STIM2: variants seen among roughly 807,000 people sequenced by gnomAD.
STIM2 encodes stromal interaction molecule 2.
STIM2 carries 31 observed loss-of-function variants against 85.8 expected under a neutral mutation model. The ratio of observed to expected loss-of-function variants is 0.36; its 90% CI spans 0.27 to 0.49. The LOEUF (loss-of-function observed/expected upper bound fraction) is 0.49, where lower values mean the gene tolerates loss of function less well. Ranked by LOEUF, STIM2 falls within the 20% of genes least tolerant of loss-of-function variation. The pLI is 0.98. For missense variants in STIM2, 841 were observed against 927.6 expected (o/e 0.91, Z 1.21); for synonymous variants, 356 against 331.1 (o/e 1.08, Z -0.82).
intron 1 of STIM2, among the ~76,000 whole-genome samples, chr4:26,878,319 A>G (rs768811376): frequency 1.8e-4 from 27 of 151,890 alleles, no homozygotes; most frequent in Non-Finnish European, 3.1e-4. Flanking sequence ...ATGGCAGCCA[A>G]ATTTTGCCTT....
chr4:26,971,708 G>T (rs954044919), intron 3 of STIM2, among the ~76,000 whole-genome samples: 4 of 152,240 alleles, frequency 2.6e-5, no homozygotes, highest in South Asian at 2.1e-4. Flanking sequence ...TTTTGCTTAG[G>T]ATTGTCTTGG....
At chr4:26,894,360 T>G (rs980619734) in intron 1 of STIM2, among the ~76,000 whole-genome samples, 5 of 152,206 alleles carry the variant, frequency 3.3e-5, no homozygotes, top group African/African-American at 1.2e-4. Flanking sequence ...AGTTAAAGCT[T>G]TTTGTGTCTT....
At chr4:27,002,574 G>A (rs1728195359) in intron 6 of STIM2, among the ~76,000 whole-genome samples, 180 bp downstream of exon 6, 1 of 152,156 alleles carries the variant, frequency 6.6e-6, no homozygotes, top group East Asian at 1.9e-4. Context: ...TTATAAATGT[G>A]TATACTTGAG....
rs759508445 is a variant in STIM2, at chr4:27,002,322, A to G, written c.731A>G (p.His244Arg). 6.2e-7 allele frequency: 1 copy of G among 1,613,670 alleles called. No homozygotes were observed. Among genetic ancestry groups the G allele is most frequent in the Non-Finnish European group, 8.5e-7 (1 of 1,179,856 alleles). ...ACGCAGAATAAGACATCAAAAGAAC[A>G]TGTTGCAAAAATGATGAAAGATTTA... is the stretch of plus-strand genomic sequence containing the variant. The change falls in exon 6 of 12, where the codon CAT (histidine) becomes CGT (arginine). Residue 244 changes from histidine to arginine, a missense_variant. By Grantham distance (29) the His-to-Arg change is conservative (BLOSUM62 0). Around this residue, in one of 3 missense-constraint regions of STIM2, gnomAD observed 408 missense variants for 525.4 expected, o/e 0.78. Coordinates refer to ENST00000467087, the MANE Select transcript of STIM2 (RefSeq NM_020860.4).
chr4:26,874,231 C>T (rs1722733433), intron 1 of STIM2: 1 of 443,698 alleles, frequency 2.3e-6, no homozygotes, highest in Non-Finnish European at 4.5e-6. Flanking sequence ...AGGGCTGCGG[C>T]AGGGGTCTCC....
At chr4:27,012,693 T>C (rs760265859) in intron 10 of STIM2, among the ~76,000 whole-genome samples, 1 of 152,048 alleles carries the variant, frequency 6.6e-6, no homozygotes, top group Non-Finnish European at 1.5e-5. Flanking sequence ...CAGTAAAATA[T>C]TGAATGAAAA....
intron 1 of STIM2, 64 bp from the exon 2 acceptor site, chr4:26,919,440 A>G: frequency 1.9e-6 from 3 of 1,587,146 alleles, no homozygotes; most frequent in Non-Finnish European, 2.6e-6. Flanking sequence ...TTTAAATTAT[A>G]CTCTCTAACT....
intron 3 of STIM2, 65 bp downstream of exon 3, chr4:26,957,791 A>G (rs1420502495): frequency 5.2e-6 from 5 of 968,732 alleles, no homozygotes; most frequent in Non-Finnish European, 7.9e-6. Flanking sequence ...AGTTGTTCTC[A>G]ACTCACTTAT....
At chr4:26,936,816 A>G (rs1198555375) in intron 2 of STIM2, among the ~76,000 whole-genome samples, 1 of 152,098 alleles carries the variant, frequency 6.6e-6, no homozygotes, top group Admixed American at 6.5e-5. Context: ...TTGAGACAGC[A>G]TGTCGCTCTG....
At chr4:26,884,252 T>G (rs1195584129) in intron 1 of STIM2, among the ~76,000 whole-genome samples, 1 of 152,206 alleles carries the variant, frequency 6.6e-6, no homozygotes, top group African/African-American at 2.4e-5. Flanking sequence ...ACATGTGTTC[T>G]CCAGTAAAAG....
intron 3 of STIM2, among the ~76,000 whole-genome samples, chr4:26,982,266 G>C (rs1327497040): frequency 6.6e-6 from 1 of 152,112 alleles, no homozygotes; most frequent in East Asian, 1.9e-4. Flanking sequence ...AAAAACTTAT[G>C]AATGCTTTGA....
At position 27,017,699 on chromosome 4, in the gene STIM2, G is replaced by A; in HGVS notation, c.1490-12G>A. ...GACTTCATGAGCATGTTTCTTTCTT[G>A]GTGTTTTTCAGGGACCATGGCTAAA... On this transcript the variant is annotated splice_polypyrimidine_tract_variant and intron_variant, in intron 10 of 11. Coordinates refer to ENST00000467087, the MANE Select transcript of STIM2 (RefSeq NM_020860.4). 6.2e-7 allele frequency: 1 copy of A among 1,612,260 alleles called. No homozygotes were observed. Among genetic ancestry groups the A allele is most frequent in the Non-Finnish European group, 8.5e-7 (1 of 1,178,486 alleles).
At chr4:27,022,266 G>T (rs1728939099) in intron 11 of STIM2, among the ~76,000 whole-genome samples, 1 of 152,092 alleles carries the variant, frequency 6.6e-6, no homozygotes, top group Non-Finnish European at 1.5e-5. Context: ...CAAAAAGGAG[G>T]TGTACCTTAT....
intron 1 of STIM2, among the ~76,000 whole-genome samples, chr4:26,886,015 A>T (rs1243916385): frequency 6.6e-6 from 1 of 151,752 alleles, no homozygotes; most frequent in East Asian, 1.9e-4. Context: ...GCTGATCACC[A>T]TGCGCCAGTT....
chr4:26,991,800 A>G (rs1177222079), intron 3 of STIM2, among the ~76,000 whole-genome samples: 3 of 152,064 alleles, frequency 2.0e-5, no homozygotes, highest in Non-Finnish European at 4.4e-5. Context: ...GTCTGTTTCC[A>G]TTCCAGAGTT....
intron 5 of STIM2, among the ~76,000 whole-genome samples, chr4:27,001,925 C>A (rs1170716378): frequency 6.6e-5 from 10 of 152,126 alleles, no homozygotes. Context: ...ATTGGAGGTG[C>A]TGTTGCTTTT....
At chr4:26,972,721 C>G (rs1165850489) in intron 3 of STIM2, among the ~76,000 whole-genome samples, 1 of 152,126 alleles carries the variant, frequency 6.6e-6, no homozygotes, top group Non-Finnish European at 1.5e-5. Flanking sequence ...TGTGTCTCTG[C>G]CAGGCTTTGG....
At chr4:26,966,469 ATGGT>A (rs967205093) in intron 3 of STIM2, among the ~76,000 whole-genome samples, 3 of 152,154 alleles carry the variant, frequency 2.0e-5, no homozygotes, top group Non-Finnish European at 4.4e-5. Context: ...GTCTTCAAAG[ATGGT>A]CAGTTAACTT....
chr4:26,995,070 T>A (rs547107759), intron 3 of STIM2, among the ~76,000 whole-genome samples: 1 of 152,248 alleles, frequency 6.6e-6, no homozygotes, highest in East Asian at 1.9e-4. Context: ...GATGAAAGAA[T>A]GAACAAGTAT....
Sources: gnomAD v4.1 joint callset for allele counts (sites outside exome capture counted in the v4.1 genomes callset) on GRCh38, gnomAD v4.1.1 for gene constraint, gnomAD v4.1.1 regional missense constraint, MANE v1.5 for transcripts, NCBI Gene and HGNC (gene_info 2026-07-23, HGNC 2026-07-21) for gene names.